POLK: variants seen among roughly 807,000 people sequenced by gnomAD.
The protein encoded by POLK is polymerase (DNA directed) kappa.
POLK carries 76 observed loss-of-function variants against 94.0 expected under a neutral mutation model. The observed-to-expected ratio is 0.81, with a 90% CI of 0.67 to 0.98. POLK has a LOEUF of 0.98. Among genes scored for constraint, POLK ranks in the 50% least tolerant of loss-of-function variants. POLK has a pLI of 0.00. For synonymous variants in POLK, 349 were observed against 325.4 expected (o/e 1.07, Z -0.78); for missense variants, 954 against 1,010.1 (o/e 0.94, Z 0.75).
intron 1 of POLK, among the ~76,000 whole-genome samples, chr5:75,545,384 G>A (rs931940415): frequency 7.2e-5 from 11 of 152,136 alleles, no homozygotes; most frequent in African/African-American, 1.7e-4. Flanking sequence ...GGAGGCAACC[G>A]TAATGTCATG....
At chr5:75,573,602 A>G in intron 4 of POLK, 136 bp from the exon 5 acceptor site, 4 of 720,486 alleles carry the variant, frequency 5.6e-6, no homozygotes, top group Non-Finnish European at 9.2e-6. Context: ...AACAAAAACA[A>G]AAACAAAAAA....
At chr5:75,566,668 C>T (rs1371854632) in intron 3 of POLK, among the ~76,000 whole-genome samples, 4 of 152,168 alleles carry the variant, frequency 2.6e-5, no homozygotes, top group African/African-American at 7.2e-5. Flanking sequence ...GACACCCCAC[C>T]CTGCTTCTCC....
At chr5:75,566,496 A>G (rs1283094208) in intron 3 of POLK, among the ~76,000 whole-genome samples, 3 of 152,154 alleles carry the variant, frequency 2.0e-5, no homozygotes, top group Non-Finnish European at 2.9e-5. Flanking sequence ...CTGGTTGTGT[A>G]GGCACCCCGT....
chr5:75,576,873 CA>C lies in POLK; in HGVS notation c.638del (p.Asn213IlefsTer17). On this transcript the variant is annotated frameshift_variant, in exon 6 of 15. Transcript: ENST00000241436. LOFTEE classifies it high-confidence loss of function. Reference sequence around the variant, plus strand: ...TATAACAAAGCACTTAGAAGAAAGACAAAATTGGCCTGAGGATAAAAGAAGG... The same window carrying C: ...TATAACAAAGCACTTAGAAGAAAGACAAATTGGCCTGAGGATAAAAGAAGG... 6.4e-7 allele frequency: 1 copy of C among 1,552,740 alleles called. No homozygotes were observed. The highest frequency in any genetic ancestry group is 8.7e-7 in the Non-Finnish European group (1 of 1,151,122).
At position 75,528,686 on chromosome 5, in the gene POLK, G is replaced by A. The variant is rs180998291; in HGVS notation, c.-14+16772G>A. 9.2e-5 allele frequency among the ~76,000 whole-genome samples: 14 copies of A among 152,076 alleles called. No homozygotes were observed. The East Asian group carries it at 1.4e-3, about 15-fold the overall frequency. On this transcript the variant is annotated intron_variant, in intron 1 of 14. Coordinates refer to ENST00000241436, the Ensembl canonical transcript of POLK. ...AAAATTTGGGCAAGGTGGCACATAC[G>A]TGTAGTCCTACCTGCTCTGGAGGCT... is the stretch of plus-strand genomic sequence containing the variant.
chr5:75,583,374 G>T (rs1772302292), exon 8 of POLK: 1 of 1,605,616 alleles, frequency 6.2e-7, no homozygotes, highest in Admixed American at 1.7e-5. Context: ...CTTCCCAATA[G>T]ACAAGCTGTG....
chr5:75,532,595 A>G (rs181590481), intron 1 of POLK, among the ~76,000 whole-genome samples: 101 of 152,308 alleles, frequency 6.6e-4, no homozygotes, highest in African/African-American at 2.3e-3. Context: ...TCCTTTGGAT[A>G]TATACCTAGT....
At chr5:75,514,047 T>C (rs1768209171) in intron 1 of POLK, among the ~76,000 whole-genome samples, 1 of 152,180 alleles carries the variant, frequency 6.6e-6, no homozygotes, top group Admixed American at 6.5e-5. Context: ...TTCTTCTTAG[T>C]CAAATAAGTT....
chr5:75,583,348 T>C, exon 8 of POLK: 2 of 1,604,832 alleles, frequency 1.2e-6, no homozygotes, highest in Non-Finnish European at 1.7e-6. Flanking sequence ...ATAAACCAAA[T>C]GGACAATACC....
chr5:75,597,168 C>T (rs1773138836), exon 13 of POLK: 1 of 1,522,394 alleles, frequency 6.6e-7, no homozygotes, highest in Non-Finnish European at 9.1e-7. Context: ...AAGAAAGCTC[C>T]AGAAGTACTG....
intron 6 of POLK, among the ~76,000 whole-genome samples, chr5:75,577,454 G>A (rs1581063855): frequency 6.6e-6 from 1 of 152,104 alleles, no homozygotes; most frequent in East Asian, 1.9e-4. Flanking sequence ...ATAATTTCAA[G>A]ACTCCAGGGT....
chr5:75,543,316 A>G (rs1769849568), intron 1 of POLK, among the ~76,000 whole-genome samples: 1 of 152,172 alleles, frequency 6.6e-6, no homozygotes, highest in Non-Finnish European at 1.5e-5. Context: ...CTGGGATTGT[A>G]GGCATGAGTC....
chr5:75,535,335 A>G (rs1769388576), intron 1 of POLK, among the ~76,000 whole-genome samples: 1 of 152,116 alleles, frequency 6.6e-6, no homozygotes, highest in Non-Finnish European at 1.5e-5. Context: ...TTGTTAGCCT[A>G]ATGGGGCTCC....
intron 3 of POLK, among the ~76,000 whole-genome samples, chr5:75,554,019 A>G (rs1770466128): frequency 6.6e-6 from 1 of 152,278 alleles, no homozygotes; most frequent in Non-Finnish European, 1.5e-5. Context: ...TTTTCCATCC[A>G]TATTCCATCT....
At chr5:75,595,865 C>A (rs988022522) in intron 12 of POLK, among the ~76,000 whole-genome samples, 22 of 151,978 alleles carry the variant, frequency 1.4e-4, no homozygotes, top group Non-Finnish European at 2.8e-4. Flanking sequence ...ACCTTCTGCT[C>A]AATTTTGCTG....
chr5:75,590,397 T>C, exon 11 of POLK: 1 of 1,611,056 alleles, frequency 6.2e-7, no homozygotes, highest in Non-Finnish European at 8.5e-7. Context: ...TGTCAAGAAC[T>C]TTGCAGTGAG....
At chr5:75,560,923 C>T (rs1019978090) in intron 3 of POLK, among the ~76,000 whole-genome samples, 1 of 152,246 alleles carries the variant, frequency 6.6e-6, no homozygotes, top group Middle Eastern at 3.4e-3. Context: ...CATTGATGGG[C>T]ATTTGGGTTG....
intron 1 of POLK, among the ~76,000 whole-genome samples, chr5:75,522,322 T>G (rs1255973542): frequency 6.6e-6 from 1 of 152,232 alleles, no homozygotes; most frequent in Non-Finnish European, 1.5e-5. Flanking sequence ...TTGGAGTCTT[T>G]TTCACTTTTT....
chr5:75,564,683 A>C (rs1771168745), intron 3 of POLK, among the ~76,000 whole-genome samples: 1 of 152,176 alleles, frequency 6.6e-6, no homozygotes, highest in Non-Finnish European at 1.5e-5. Context: ...TTCTGGGTTG[A>C]AAATTCTTTA....
Sources: gnomAD v4.1 joint callset for allele counts (sites outside exome capture counted in the v4.1 genomes callset) on GRCh38, gnomAD v4.1.1 for gene constraint, MANE v1.5 for transcripts, NCBI Gene and HGNC (gene_info 2026-07-23, HGNC 2026-07-21) for gene names.